Variants in TLK1 observed in about 807,000 individuals in gnomAD.
TLK1 encodes the protein tousled like kinase 1.
In TLK1, 24 loss-of-function variants were observed where a neutral mutation model predicts 105.3. The ratio of observed to expected loss-of-function variants is 0.23; its 90% CI spans 0.17 to 0.32. The LOEUF (loss-of-function observed/expected upper bound fraction) is 0.32. Among genes scored for constraint, TLK1 ranks in the 10% least tolerant of loss-of-function variants. The pLI, the probability that TLK1 is intolerant of heterozygous loss-of-function variation, is 1.00. For missense variants in TLK1, 558 were observed against 910.5 expected, an observed-to-expected ratio of 0.61 and a Z score of 4.98; for synonymous variants, 321 against 310.4, an observed-to-expected ratio of 1.03 and a Z score of -0.36.
chr2:171,122,062 T>G (rs2105538429), intron 1 of TLK1, among the ~76,000 whole-genome samples: 1 of 152,334 alleles, frequency 6.6e-6, no homozygotes, highest in Middle Eastern at 3.4e-3. Flanking sequence ...TTCTCCTGCC[T>G]CAGACTCCTG....
intron 12 of TLK1, among the ~76,000 whole-genome samples, chr2:171,022,366 G>A (rs781677049): frequency 1.8e-4 from 27 of 152,020 alleles, no homozygotes; most frequent in Admixed American, 5.9e-4. Context: ...ATGGAAAATA[G>A]TAGTAAGCAC....
At chr2:171,108,477 G>C (rs752138178) in intron 2 of TLK1, among the ~76,000 whole-genome samples, 2 of 152,116 alleles carry the variant, frequency 1.3e-5, no homozygotes, top group African/African-American at 4.8e-5. Flanking sequence ...TTAAGCAATA[G>C]ATGGCAGAAC....
chr2:171,158,165 T>C (rs954569449), intron 1 of TLK1, among the ~76,000 whole-genome samples: 13 of 152,210 alleles, frequency 8.5e-5, no homozygotes, highest in African/African-American at 3.1e-4. Context: ...TCAAAATGAA[T>C]ATAACCCTAG....
At chr2:171,070,259 C>T (rs1688191095) in intron 3 of TLK1, among the ~76,000 whole-genome samples, 1 of 34,688 alleles carries the variant, frequency 2.9e-5, no homozygotes, top group African/African-American at 5.0e-5. Flanking sequence ...ACAGTTGTTA[C>T]AAACAACTGT....
intron 1 of TLK1, among the ~76,000 whole-genome samples, chr2:171,170,471 T>C (rs2105301927): frequency 6.6e-6 from 1 of 152,292 alleles, no homozygotes; most frequent in East Asian, 1.9e-4. Context: ...TACCTTCAAG[T>C]CTCCTTTCAG....
intron 10 of TLK1, among the ~76,000 whole-genome samples, chr2:171,047,720 T>C (rs1687026118): frequency 6.6e-6 from 1 of 152,170 alleles, no homozygotes; most frequent in Non-Finnish European, 1.5e-5. Context: ...ATCCTAATGA[T>C]TAAAATATTA....
intron 8 of TLK1, among the ~76,000 whole-genome samples, chr2:171,051,227 T>C (rs1464741920): frequency 1.3e-5 from 2 of 152,168 alleles, no homozygotes; most frequent in African/African-American, 4.8e-5. Flanking sequence ...AAGAAGAGGA[T>C]ATCTGTTTAA....
chr2:171,000,165 C>G (rs1431756544), intron 18 of TLK1, among the ~76,000 whole-genome samples: 1 of 151,918 alleles, frequency 6.6e-6, no homozygotes, highest in Non-Finnish European at 1.5e-5. Context: ...AACAGGAGGT[C>G]GGCAGTTTGA....
intron 1 of TLK1, among the ~76,000 whole-genome samples, chr2:171,125,362 T>A (rs960897562): frequency 1.6e-4 from 25 of 152,236 alleles, no homozygotes; most frequent in African/African-American, 5.8e-4. Flanking sequence ...AGAGCAATGT[T>A]TTGCTATTAA....
rs1370797655 is a variant in TLK1, at chr2:171,179,427, A to G, written c.-6+51718T>C. Among the ~76,000 whole-genome samples, 5 of 152,314 alleles carry G rather than the reference A, an allele frequency of 3.3e-5. 1 individual carries two copies. The highest frequency in any genetic ancestry group is 2.0e-4 in the Admixed American group (3 of 15,300). ...AGTTAGAGAAGGTGTGGATTCCCCA[A>G]TGCCCCCTATTTGTCCTCTAGAGAG... is the stretch of plus-strand genomic sequence containing the variant. On this transcript the variant is annotated intron_variant, in intron 1 of 20. Transcript: ENST00000521943.
At chr2:171,166,265 C>A (rs780933243) in intron 1 of TLK1, among the ~76,000 whole-genome samples, 11 of 152,254 alleles carry the variant, frequency 7.2e-5, no homozygotes, top group Non-Finnish European at 8.8e-5. Context: ...AGCAAGGACC[C>A]TTCTCTGTAA....
upstream of TLK1, among the ~76,000 whole-genome samples, chr2:171,165,697 G>A (rs750555085): frequency 6.6e-5 from 10 of 152,314 alleles, no homozygotes; most frequent in East Asian, 1.9e-4. Context: ...TGGATCACAA[G>A]GTCAGGAGTT....
At chr2:171,017,359 C>G (rs958437099) in intron 12 of TLK1, among the ~76,000 whole-genome samples, 1 of 152,162 alleles carries the variant, frequency 6.6e-6, no homozygotes, top group Non-Finnish European at 1.5e-5. Context: ...GGAAGCTACT[C>G]AACATTTGGT....
At chr2:171,060,942 AT>A (rs1687721048) in intron 4 of TLK1, 138 bp downstream of exon 4, 5 of 744,600 alleles carry the variant, frequency 6.7e-6, no homozygotes, top group Non-Finnish European at 1.1e-5. Flanking sequence ...AAAAGCAATC[AT>A]TATACACTAA....
At chr2:171,096,019 C>G (rs546869619) in intron 2 of TLK1, among the ~76,000 whole-genome samples, 1 of 151,802 alleles carries the variant, frequency 6.6e-6, no homozygotes, top group South Asian at 2.1e-4. Context: ...CTACCCAGAG[C>G]AATCAGGCTA....
At chr2:171,213,979 G>C (rs1693667918) in intron 1 of TLK1, among the ~76,000 whole-genome samples, 2 of 151,388 alleles carry the variant, frequency 1.3e-5, no homozygotes, top group African/African-American at 4.9e-5. Flanking sequence ...GAGGAGTGTG[G>C]AGCTCACCTC....
intron 10 of TLK1, among the ~76,000 whole-genome samples, chr2:171,046,813 A>C (rs1438104900): frequency 3.3e-5 from 5 of 152,186 alleles, no homozygotes; most frequent in African/African-American, 1.2e-4. Flanking sequence ...ATGAGATAAA[A>C]CAATACCCCA....
intron 11 of TLK1, among the ~76,000 whole-genome samples, chr2:171,040,582 T>G (rs973477823): frequency 1.3e-5 from 2 of 149,284 alleles, no homozygotes; most frequent in Non-Finnish European, 3.0e-5. Flanking sequence ...TTTTTTTTTT[T>G]TTTTTTTGAG....
intron 1 of TLK1, among the ~76,000 whole-genome samples, chr2:171,144,203 G>C (rs1453069259): frequency 6.6e-6 from 1 of 152,128 alleles, no homozygotes; most frequent in Non-Finnish European, 1.5e-5. Context: ...GAATTAAAGG[G>C]AGAAATAGAC....
Sources: allele counts gnomAD v4.1 joint callset (sites outside exome capture counted in the v4.1 genomes callset), GRCh38; gene constraint gnomAD v4.1.1; transcripts MANE v1.5; gene names NCBI Gene and HGNC (gene_info 2026-07-23, HGNC 2026-07-21).